Variants in MACF1 observed in about 807,000 individuals in gnomAD.
MACF1 encodes the protein microtubule actin crosslinking factor 1.
A neutral mutation model predicts 854.8 loss-of-function variants in MACF1; 193 were observed. The observed-to-expected ratio is 0.23, with a 90% confidence interval of 0.20 to 0.25. MACF1 has a LOEUF of 0.25. Among genes scored for constraint, MACF1 ranks in the 10% least tolerant of loss-of-function variants. The pLI is 1.00. For synonymous variants in MACF1, 3,185 were observed against 3,226.7 expected (o/e 0.99, Z 0.44); for missense variants, 7,722 against 8,929.1 (o/e 0.86, Z 5.45).
rs1643109966 is a variant in MACF1 at position 39,413,220 on chromosome 1, G to A, written c.15817-9154G>A. On this transcript the variant is annotated intron_variant, in intron 58 of 100. Transcript: ENST00000564288. ...CAGCTACCACAGTGCATGCTCCAGA[G>A]GAGCCTGATACTGCAGCTGTCAGAG... 3 of 1,613,298 alleles carry A rather than the reference G, an allele frequency of 1.9e-6. No homozygotes were observed. The African/African-American group carries it at 4.0e-5, about 22-fold the overall frequency.
chr1:39,105,929 A>G lies in MACF1; in HGVS notation c.220+21491A>G, dbSNP rs1173913420. The stretch of plus-strand genomic sequence containing the variant: ...CGCCCCCGGGGCAGTCGGCGCGCTC[A>G]GAGCGCCAGTTACATGATTTGCCCT... On this transcript the variant is annotated intron_variant, in intron 2 of 93. Transcript: ENST00000361689. The surrounding 1 kb of genome is among the most constrained non-coding windows in gnomAD (Gnocchi z 5.9). Among the ~76,000 whole-genome samples, 3 of 152,336 alleles carry G rather than the reference A, an allele frequency of 2.0e-5. No individual in the cohort carries two copies. The highest frequency in any genetic ancestry group is 7.2e-5 in the African/African-American group (3 of 41,592).
chr1:39,452,587 T>C, intron 86 of MACF1, 97 bp from the exon 87 acceptor site: 1 of 1,494,598 alleles, frequency 6.7e-7, no homozygotes, highest in Non-Finnish European at 9.2e-7. Context: ...GGCCATGAAA[T>C]GTCTGAATGA....
intron 2 of MACF1, among the ~76,000 whole-genome samples, chr1:39,184,699 A>G (rs1644145046): frequency 6.6e-6 from 1 of 152,120 alleles, no homozygotes; most frequent in South Asian, 2.1e-4. Context: ...TGTTATTTAT[A>G]TTAAGATTGT....
chr1:39,324,184 C>T lies in MACF1; in HGVS notation c.4237-9C>T, dbSNP rs1247928861. The T allele has an allele frequency of 6.3e-7, 1 of 1,576,510 alleles. No homozygotes were observed. Among genetic ancestry groups the T allele is most frequent in the Non-Finnish European group, 8.6e-7 (1 of 1,164,776 alleles). Reference sequence around the variant, plus strand: ...TGCTAGCATATTGATTTTCTATTTCCTATTCTAGAAAGTGGTAGAAGAGGA... The same window carrying T: ...TGCTAGCATATTGATTTTCTATTTCTTATTCTAGAAAGTGGTAGAAGAGGA... On this transcript the variant is annotated splice_polypyrimidine_tract_variant and intron_variant, in intron 33 of 100. Transcript: ENST00000564288.
Position 39,442,834 on chromosome 1 carries a change from G to A in MACF1, c.19225G>A (p.Ala6409Thr), listed in dbSNP as rs587404. The A allele has an allele frequency of 0.3, 489,374 of 1,613,514 alleles. 76,266 individuals carry two copies. Among genetic ancestry groups the A allele is most frequent in the African/African-American group, 0.47 (35,566 of 74,922 alleles). The stretch of plus-strand genomic sequence containing the variant: ...CAGCAGCTTAAGGAGCCGTTTGGAA[G>A]CCATGAACCAATGCTGGGAGTCAGT... ...DASSLRSRLE[A>T]MNQCWESVLQ... Residue 6409 changes from alanine (A) to threonine (T), a missense_variant, in exon 78 of 101, where the codon GCC becomes ACC. Physicochemically the swap from Ala to Thr is moderately conservative, Grantham distance 58. Coordinates refer to ENST00000564288, the MANE Select transcript of MACF1 (RefSeq NM_001394062.1).
Position 39,468,633 on chromosome 1 carries a change from T to C in MACF1, c.21790T>C (p.Leu7264=). The change falls in exon 96 of 101, where the codon TTG becomes CTG. Residue 7264 remains leucine (L), a synonymous_variant. Transcript: ENST00000564288. ...TCTACAGTTTGGGGATTCTCAGCAG[T>C]TGCGGCTGGTCCGTATTCTGCGCAG... ...LGNQFGDSQQ[L]RLVRILRSTV... The C allele has an allele frequency of 6.2e-7, 1 of 1,614,124 alleles. No homozygotes were observed. The highest frequency in any genetic ancestry group is 8.5e-7 in the Non-Finnish European group (1 of 1,179,964).
At chr1:39,268,352 T>C (rs1645260948) in intron 6 of MACF1, 1 of 679,810 alleles carries the variant, frequency 1.5e-6, no homozygotes. Flanking sequence ...TTTTGCTTTC[T>C]GTTTGTGTTA....
intron 2 of MACF1, among the ~76,000 whole-genome samples, chr1:39,114,049 TC>T (rs1364871219): frequency 1.4e-5 from 2 of 145,308 alleles, no homozygotes; most frequent in African/African-American, 5.0e-5. Context: ...AAAAAAAAGG[TC>T]CCATCGTTGC....
At chr1:39,187,880 CTG>C (rs1440046629) in intron 2 of MACF1, among the ~76,000 whole-genome samples, 1,074 of 75,264 alleles carry the variant, frequency 0.014, 16 homozygotes, top group African/African-American at 0.046. Flanking sequence ...CTCTCTCTCT[CTG>C]TCTCTCTCTC....
chr1:39,476,623 T>A (rs1338341584), intron 97 of MACF1, among the ~76,000 whole-genome samples: 1 of 151,974 alleles, frequency 6.6e-6, no homozygotes, highest in Non-Finnish European at 1.5e-5. Context: ...CGTGGATACA[T>A]GCAAAATGTT....
chr1:39,353,859 T>C (rs1647299674), intron 44 of MACF1, among the ~76,000 whole-genome samples: 1 of 152,208 alleles, frequency 6.6e-6, no homozygotes, highest in Non-Finnish European at 1.5e-5. Flanking sequence ...AAGTCAGCTA[T>C]ACTTCTTCAT....
At chr1:39,399,229 T>G (rs1642382346) in intron 58 of MACF1, among the ~76,000 whole-genome samples, 2 of 152,172 alleles carry the variant, frequency 1.3e-5, no homozygotes, top group Non-Finnish European at 2.9e-5. Flanking sequence ...GTCTCCAGTC[T>G]TGGATGTATT....
intron 58 of MACF1, chr1:39,413,073 T>TGCA (rs1412532635): frequency 1.2e-6 from 2 of 1,600,900 alleles, no homozygotes; most frequent in South Asian, 2.2e-5. Flanking sequence ...CTCCAGCTGT[T>TGCA]GCAGCAGCCA....
intron 15 of MACF1, among the ~76,000 whole-genome samples, chr1:39,291,211 A>C (rs1042511172): frequency 7.2e-5 from 11 of 152,234 alleles, no homozygotes; most frequent in Middle Eastern, 3.4e-3. Flanking sequence ...TCCTGACCTC[A>C]GGTGATCCAC....
chr1:39,420,732 G>A (rs925702711), intron 58 of MACF1, among the ~76,000 whole-genome samples: 3 of 151,730 alleles, frequency 2.0e-5, no homozygotes, highest in African/African-American at 7.3e-5. Flanking sequence ...ATTTATTTTT[G>A]TCCTCTTCCA....
intron 2 of MACF1, among the ~76,000 whole-genome samples, chr1:39,135,867 T>C (rs1643154349): frequency 6.6e-6 from 1 of 152,208 alleles, no homozygotes; most frequent in Non-Finnish European, 1.5e-5. Context: ...ATGGGATTCT[T>C]GGAATGGTGA....
chr1:39,355,376 C>T (rs528764734), intron 44 of MACF1, among the ~76,000 whole-genome samples: 13 of 151,476 alleles, frequency 8.6e-5, no homozygotes, highest in African/African-American at 3.1e-4. Context: ...AGGTGATATA[C>T]AGACAAGGTT....
chr1:39,469,770 T>C (rs1644742066), intron 97 of MACF1, among the ~76,000 whole-genome samples, 155 bp downstream of exon 97: 1 of 152,258 alleles, frequency 6.6e-6, no homozygotes, highest in Non-Finnish European at 1.5e-5. Flanking sequence ...CTCAAGTTGA[T>C]GGTGCATAAA....
chr1:39,336,489 GAAGAA>G lies in MACF1; in HGVS notation c.9906_9910del (p.Glu3302AspfsTer27). 1 of 1,614,140 alleles carries G rather than the reference GAAGAA, an allele frequency of 6.2e-7. No individual in the cohort carries two copies. ...TAGTCCTACTGTTCTAGAGACCAGT[GAAGAA>G]AAGACAGTGTCCCTAACAGTATGCT... On this transcript the variant is annotated frameshift_variant, in exon 37 of 101. Transcript: ENST00000564288. LOFTEE classifies it high-confidence loss of function.
Sources: allele counts gnomAD v4.1 joint callset (sites outside exome capture counted in the v4.1 genomes callset), GRCh38; gene constraint gnomAD v4.1.1; non-coding constraint Gnocchi (gnomAD v3.1); transcripts MANE v1.5; gene names NCBI Gene and HGNC (gene_info 2026-07-23, HGNC 2026-07-21).